Variants in KIF21A observed in about 807,000 individuals in gnomAD.
KIF21A encodes kinesin family member 21A, also known as kinesin-like protein KIF21A.
Under a neutral mutation model 202.9 loss-of-function variants are expected in KIF21A, and 114 were observed. That is an observed-to-expected ratio of 0.56 (90% CI 0.48 to 0.66). The LOEUF is 0.66. Among genes scored for constraint, KIF21A ranks in the 30% least tolerant of loss-of-function variants. The pLI, the probability that KIF21A is intolerant of heterozygous loss-of-function variation, is 0.00. For missense variants in KIF21A, 1,677 were observed against 1,994.9 expected (o/e 0.84, Z 3.04); for synonymous variants, 667 against 670.8 (o/e 0.99, Z 0.09).
intron 16 of KIF21A, among the ~76,000 whole-genome samples, chr12:39,337,939 C>T (rs145664321): frequency 1.8e-4 from 27 of 152,068 alleles, no homozygotes; most frequent in African/African-American, 6.0e-4. Context: ...TCCATGATAC[C>T]TGATAAGGAT....
chr12:39,439,202 G>A (rs530945435), intron 1 of KIF21A, among the ~76,000 whole-genome samples: 5 of 152,214 alleles, frequency 3.3e-5, no homozygotes, highest in East Asian at 3.9e-4. Context: ...TTTCTTAATC[G>A]AAGGATGTGA....
intron 12 of KIF21A, 119 bp from the exon 13 acceptor site, chr12:39,342,243 A>G: frequency 1.4e-6 from 1 of 738,700 alleles, no homozygotes; most frequent in East Asian, 2.7e-5. Context: ...AATGTTGGTC[A>G]CTTAACTGAG....
chr12:39,359,404 A>T (rs1314874382), intron 7 of KIF21A, among the ~76,000 whole-genome samples: 2 of 151,988 alleles, frequency 1.3e-5, no homozygotes, highest in Non-Finnish European at 2.9e-5. Context: ...AATTTTATAG[A>T]CCCCAAAACT....
rs1949853098 is a variant in KIF21A at position 39,370,100 on chromosome 12, A to G, written c.206T>C (p.Ile69Thr). Residue 69 changes from isoleucine to threonine, a missense_variant, in exon 2 of 38, where the codon ATA becomes ACA. Physicochemically the swap from Ile to Thr is moderately conservative, Grantham distance 89 (BLOSUM62 -1). This residue lies in a region of KIF21A where 966 missense variants were observed against 1,180.9 expected (regional missense o/e 0.82). Coordinates refer to ENST00000361418, the MANE Select transcript of KIF21A (RefSeq NM_001173464.2). ...SQQEQIYIQC[I>T]EKLIEGCFEG... ...AAAGCAACCTTCAATTAGTTTTTCT[A>G]TACATTGAATGTAGATCTGCTCTTG... The G allele has an allele frequency of 1.2e-6, 2 of 1,613,856 alleles. No homozygotes were observed. Among genetic ancestry groups the G allele is most frequent in the Non-Finnish European group, 1.7e-6 (2 of 1,179,828 alleles).
At chr12:39,329,820 A>G (rs1194470435) in intron 24 of KIF21A, among the ~76,000 whole-genome samples, 1 of 151,572 alleles carries the variant, frequency 6.6e-6, no homozygotes, top group Non-Finnish European at 1.5e-5. Context: ...AATAAAACAG[A>G]TAAGTATATA....
At position 39,393,026 on chromosome 12, in the gene KIF21A, A is replaced by AT. The variant is rs535309335; in HGVS notation, c.45-22766dup. Among the ~76,000 whole-genome samples the AT allele has an allele frequency of 3.3e-5, 5 of 150,398 alleles. No individual in the cohort carries two copies. The South Asian group carries it at 1.1e-3, about 33-fold the overall frequency. On this transcript the variant is annotated intron_variant, in intron 1 of 37. Transcript: ENST00000361418. ...ATGTTTACATAAAACAAGGATCCAC[A>AT]TTTTAAAAGAAAATGTTTCTGAAAT...
chr12:39,394,315 A>AC (rs2139709630), intron 1 of KIF21A, among the ~76,000 whole-genome samples: 1 of 152,340 alleles, frequency 6.6e-6, no homozygotes, highest in African/African-American at 2.4e-5. Flanking sequence ...ATTTTCATTA[A>AC]CCAAATCTTT....
At chr12:39,323,335 GAAA>G (rs1339412858) in intron 26 of KIF21A, among the ~76,000 whole-genome samples, 1 of 147,852 alleles carries the variant, frequency 6.8e-6, no homozygotes, top group Non-Finnish European at 1.5e-5. Flanking sequence ...AAAAAGAAAA[GAAA>G]AAGAAGAAGA....
intron 37 of KIF21A, among the ~76,000 whole-genome samples, chr12:39,295,217 A>AT (rs932291687): frequency 3.3e-5 from 5 of 152,208 alleles, no homozygotes; most frequent in South Asian, 2.1e-4. Context: ...TGAAATTGAA[A>AT]TTTTTTATAA....
intron 1 of KIF21A, among the ~76,000 whole-genome samples, chr12:39,381,678 TA>T (rs1195070204): frequency 2.0e-5 from 3 of 152,182 alleles, no homozygotes; most frequent in Non-Finnish European, 2.9e-5. Flanking sequence ...TTTATTTTTG[TA>T]AGGAAAATGT....
chr12:39,396,998 T>A (rs1951805946), intron 1 of KIF21A, among the ~76,000 whole-genome samples: 1 of 152,138 alleles, frequency 6.6e-6, no homozygotes. Context: ...TTTAAAAAAT[T>A]TCTAGAAAAG....
chr12:39,389,026 CAT>C (rs1227462257), intron 1 of KIF21A, among the ~76,000 whole-genome samples: 3 of 151,936 alleles, frequency 2.0e-5, no homozygotes, highest in Non-Finnish European at 4.4e-5. Context: ...TGTATTAGTA[CAT>C]ATATGTTTTA....
At chr12:39,354,256 A>G (rs1948608398) in intron 10 of KIF21A, among the ~76,000 whole-genome samples, 1 of 152,326 alleles carries the variant, frequency 6.6e-6, no homozygotes, top group East Asian at 1.9e-4. Context: ...ATATGAAGCC[A>G]TGCAAAAATC....
At chr12:39,352,903 A>G (rs1948502296) in intron 10 of KIF21A, among the ~76,000 whole-genome samples, 1 of 152,200 alleles carries the variant, frequency 6.6e-6, no homozygotes, top group South Asian at 2.1e-4. Context: ...AAGGATTCAG[A>G]GAGTCCTCTA....
intron 1 of KIF21A, among the ~76,000 whole-genome samples, chr12:39,421,388 T>C (rs1213706432): frequency 6.6e-6 from 1 of 152,174 alleles, no homozygotes; most frequent in Non-Finnish European, 1.5e-5. Flanking sequence ...TATAAGATTA[T>C]ATTAAAAATA....
intron 1 of KIF21A, among the ~76,000 whole-genome samples, chr12:39,401,328 C>A (rs1394307337): frequency 6.6e-6 from 1 of 152,138 alleles, no homozygotes; most frequent in African/African-American, 2.4e-5. Context: ...GGAAAAAGAA[C>A]TTGTTTCCGG....
At chr12:39,437,532 T>G (rs996701136) in intron 1 of KIF21A, among the ~76,000 whole-genome samples, 2 of 152,238 alleles carry the variant, frequency 1.3e-5, no homozygotes, top group Non-Finnish European at 2.9e-5. Flanking sequence ...ATCCTCCTAA[T>G]GCATTGGCAT....
intron 1 of KIF21A, among the ~76,000 whole-genome samples, chr12:39,386,244 T>TG (rs1363754711): frequency 1.3e-5 from 2 of 152,144 alleles, no homozygotes; most frequent in African/African-American, 4.8e-5. Flanking sequence ...GGCCTCCTCT[T>TG]TTTTTCTTCT....
intron 29 of KIF21A, among the ~76,000 whole-genome samples, chr12:39,317,498 C>T (rs745788945): frequency 1.1e-4 from 16 of 152,130 alleles, no homozygotes; most frequent in Non-Finnish European, 2.4e-4. Flanking sequence ...ACATTTTCCA[C>T]ATCCCTCCAA....
Sources: allele counts gnomAD v4.1 joint callset (sites outside exome capture counted in the v4.1 genomes callset), GRCh38; gene constraint gnomAD v4.1.1; regional missense constraint gnomAD v4.1.1; transcripts MANE v1.5; gene names NCBI Gene and HGNC (gene_info 2026-07-23, HGNC 2026-07-21).